Variants in ZDHHC14 observed in about 807,000 individuals in gnomAD.
The protein encoded by ZDHHC14 is zDHHC palmitoyltransferase 14.
In ZDHHC14, 16 loss-of-function variants were observed where a neutral mutation model predicts 47.7. The ratio of observed to expected loss-of-function variants is 0.34; its 90% CI spans 0.23 to 0.51. The LOEUF is 0.51. Ranked by LOEUF, ZDHHC14 falls within the 20% of genes least tolerant of loss-of-function variation. ZDHHC14 has a pLI of 0.97. For synonymous variants in ZDHHC14, 293 were observed against 278.9 expected (o/e 1.05, Z -0.50); for missense variants, 515 against 662.5 (o/e 0.78, Z 2.44).
At chr6:157,652,945 G>A (rs1269924068) in intron 7 of ZDHHC14, among the ~76,000 whole-genome samples, 2 of 152,202 alleles carry the variant, frequency 1.3e-5, no homozygotes, top group Non-Finnish European at 2.9e-5. Context: ...AGGGGCAAGA[G>A]CAGGGGCTTT....
rs79334308 is a variant in ZDHHC14, at chr6:157,637,940, C to G, written c.752+5058C>G. On this transcript the variant is annotated intron_variant, in intron 5 of 8. Coordinates refer to ENST00000359775, the MANE Select transcript of ZDHHC14 (RefSeq NM_024630.3). ...GAAATATCAGTGTCAATGATGGAAACATTGATACACTGAAAGCTCTTCATC... is the reference window on the plus strand; with the variant it reads ...GAAATATCAGTGTCAATGATGGAAAGATTGATACACTGAAAGCTCTTCATC... Among the ~76,000 whole-genome samples, 4 of 152,154 alleles carry G rather than the reference C, an allele frequency of 2.6e-5. No individual in the cohort carries two copies. In the East Asian group the frequency reaches 5.8e-4, roughly 22 times the overall value.
At chr6:157,456,997 TAATAAATAAATA>T (rs557075276) in intron 1 of ZDHHC14, among the ~76,000 whole-genome samples, 26 of 146,990 alleles carry the variant, frequency 1.8e-4, no homozygotes, top group African/African-American at 6.6e-4. Flanking sequence ...AAAAATACAA[TAATAAATAAATA>T]AATAAATAAA....
At chr6:157,611,627 T>A (rs1784752748) in intron 3 of ZDHHC14, among the ~76,000 whole-genome samples, 1 of 152,208 alleles carries the variant, frequency 6.6e-6, no homozygotes, top group Non-Finnish European at 1.5e-5. Flanking sequence ...TGCCTGCAGG[T>A]TGGAGACGAT....
intron 3 of ZDHHC14, among the ~76,000 whole-genome samples, chr6:157,615,065 G>A (rs945253241): frequency 3.3e-5 from 5 of 152,040 alleles, no homozygotes; most frequent in African/African-American, 4.8e-5. Flanking sequence ...CACTGTGCCC[G>A]GCCAATTCTT....
chr6:157,415,612 C>T (rs183987077), intron 1 of ZDHHC14, among the ~76,000 whole-genome samples: 1 of 152,218 alleles, frequency 6.6e-6, no homozygotes, highest in Non-Finnish European at 1.5e-5. Flanking sequence ...CGGTGACTTA[C>T]ACCTGTAATC....
intron 2 of ZDHHC14, among the ~76,000 whole-genome samples, chr6:157,573,253 G>T (rs561269149): frequency 1.3e-5 from 2 of 152,116 alleles, no homozygotes; most frequent in Non-Finnish European, 1.5e-5. Context: ...GTCAGAGCGC[G>T]GTCAGGGCTC....
At chr6:157,599,452 T>C (rs1367156351) in intron 3 of ZDHHC14, among the ~76,000 whole-genome samples, 1 of 152,196 alleles carries the variant, frequency 6.6e-6, no homozygotes, top group African/African-American at 2.4e-5. Flanking sequence ...CCTTGGCCTG[T>C]TTTGTTTCCA....
chr6:157,532,919 C>T (rs1429097596), intron 1 of ZDHHC14, among the ~76,000 whole-genome samples: 2 of 152,082 alleles, frequency 1.3e-5, no homozygotes, highest in African/African-American at 4.8e-5. Flanking sequence ...TTTTTTAGTT[C>T]AACAAGTACT....
chr6:157,433,637 A>C (rs939418244), intron 1 of ZDHHC14, among the ~76,000 whole-genome samples: 1 of 150,894 alleles, frequency 6.6e-6, no homozygotes, highest in Non-Finnish European at 1.5e-5. Flanking sequence ...AAAAATTCTC[A>C]GATTGTGTGA....
Position 157,596,903 on chromosome 6 carries a change from T to C in ZDHHC14, c.565+3757T>C, listed in dbSNP as rs568287285. Among the ~76,000 whole-genome samples, 42 of 152,302 alleles carry C rather than the reference T, an allele frequency of 2.8e-4. 1 individual carries two copies. The highest frequency in any genetic ancestry group is 9.4e-4 in the African/African-American group (39 of 41,558). ...GTAACTGATTACAACAAGAAGCGTC[T>C]TCACAAAGTAGTAGGAATCGCCTTG... On this transcript the variant is annotated intron_variant, in intron 3 of 8. Coordinates refer to ENST00000359775, the MANE Select transcript of ZDHHC14 (RefSeq NM_024630.3).
chr6:157,433,966 T>G (rs1778390771), intron 1 of ZDHHC14, among the ~76,000 whole-genome samples: 1 of 152,174 alleles, frequency 6.6e-6, no homozygotes, highest in African/African-American at 2.4e-5. Flanking sequence ...TCCTGGTAAT[T>G]GTACCAGTAT....
chr6:157,609,068 A>G (rs1321031160), intron 3 of ZDHHC14, among the ~76,000 whole-genome samples: 1 of 152,222 alleles, frequency 6.6e-6, no homozygotes, highest in Non-Finnish European at 1.5e-5. Flanking sequence ...GGAAAAGTAG[A>G]GTTCACATAT....
Position 157,595,801 on chromosome 6 carries a change from AG to A in ZDHHC14, c.565+2657del, listed in dbSNP as rs1258313267. Among the ~76,000 whole-genome samples the A allele has an allele frequency of 5.9e-5, 9 of 152,320 alleles. No individual in the cohort carries two copies. In the East Asian group the frequency reaches 1.7e-3, roughly 29 times the overall value. ...AGGAGCCACCAGGCTATAATAGGCC[AG>A]GAGCCAGGCCTCCACCTTTCTGGTA... On this transcript the variant is annotated intron_variant, in intron 3 of 8. Coordinates refer to ENST00000359775, the MANE Select transcript of ZDHHC14 (RefSeq NM_024630.3).
intron 2 of ZDHHC14, among the ~76,000 whole-genome samples, chr6:157,568,821 C>T (rs182990321): frequency 8.7e-4 from 133 of 152,110 alleles, no homozygotes; most frequent in African/African-American, 1.4e-3. Context: ...CTTTTGACCT[C>T]GCTTGTTTGA....
intron 2 of ZDHHC14, among the ~76,000 whole-genome samples, chr6:157,583,376 T>A (rs1344313670): frequency 6.6e-6 from 1 of 152,162 alleles, no homozygotes; most frequent in Non-Finnish European, 1.5e-5. Context: ...GTAAGTTGAG[T>A]ACAGTCAGTA....
chr6:157,443,114 C>A (rs958921215), intron 1 of ZDHHC14, among the ~76,000 whole-genome samples: 1 of 152,090 alleles, frequency 6.6e-6, no homozygotes, highest in Non-Finnish European at 1.5e-5. Flanking sequence ...GGGGCAGTTT[C>A]CCCCATGTTG....
chr6:157,431,332 A>C (rs1229347415), intron 1 of ZDHHC14, among the ~76,000 whole-genome samples: 2 of 152,144 alleles, frequency 1.3e-5, no homozygotes, highest in African/African-American at 2.4e-5. Flanking sequence ...CAGAGTGGGG[A>C]GTTCAGTGCC....
intron 1 of ZDHHC14, among the ~76,000 whole-genome samples, chr6:157,409,056 G>A (rs897690364): frequency 1.1e-4 from 17 of 152,318 alleles, no homozygotes; most frequent in African/African-American, 1.9e-4. Flanking sequence ...GAGCTACTGC[G>A]TGGCATTCCC....
intron 1 of ZDHHC14, among the ~76,000 whole-genome samples, chr6:157,466,582 G>T (rs1168064336): frequency 6.6e-6 from 1 of 152,150 alleles, no homozygotes; most frequent in Non-Finnish European, 1.5e-5. Flanking sequence ...TCACGCCTGT[G>T]ATCCCAGCAC....
Sources: gnomAD v4.1 joint callset for allele counts (sites outside exome capture counted in the v4.1 genomes callset) on GRCh38, gnomAD v4.1.1 for gene constraint, MANE v1.5 for transcripts, NCBI Gene and HGNC (gene_info 2026-07-23, HGNC 2026-07-21) for gene names.